The following SGCD variants were observed in gnomAD, a reference collection of about 807,000 sequenced individuals.
SGCD encodes delta-sarcoglycan.
In SGCD, 18 loss-of-function variants were observed where a neutral mutation model predicts 36.6. The ratio of observed to expected loss-of-function variants is 0.49; its 90% CI spans 0.34 to 0.73. The LOEUF is 0.73. Ranked by LOEUF, SGCD falls within the 30% of genes least tolerant of loss-of-function variation. The pLI, the probability that SGCD is intolerant of heterozygous loss-of-function variation, is 0.01. For missense variants in SGCD, 387 were observed against 346.7 expected (o/e 1.12, Z -0.92); for synonymous variants, 133 against 130.6 (o/e 1.02, Z -0.12).
chr5:156,105,311 T>A (rs1468985674), intron 1 of SGCD, among the ~76,000 whole-genome samples: 1 of 152,180 alleles, frequency 6.6e-6, no homozygotes, highest in South Asian at 2.1e-4. Context: ...CACACACAAG[T>A]AACCTGCTGA....
At chr5:156,508,425 A>G (rs937296407) in intron 3 of SGCD, among the ~76,000 whole-genome samples, 176 bp from the exon 4 acceptor site, 1 of 152,158 alleles carries the variant, frequency 6.6e-6, no homozygotes, top group African/African-American at 2.4e-5. Context: ...GATAATATGC[A>G]TAACTGCATT....
intron 3 of SGCD, among the ~76,000 whole-genome samples, chr5:156,460,230 A>T (rs144424331): frequency 8.5e-4 from 129 of 152,308 alleles, no homozygotes; most frequent in African/African-American, 2.9e-3. Context: ...GCCAGAGAGG[A>T]CAGTGTTGCT....
chr5:156,475,117 TCC>T (rs962360086), intron 3 of SGCD, among the ~76,000 whole-genome samples: 12 of 152,124 alleles, frequency 7.9e-5, no homozygotes, highest in African/African-American at 2.7e-4. Flanking sequence ...ATTCAATAAG[TCC>T]CCTTCTACCC....
chr5:155,842,855 A>C, the SGCD span, among the ~76,000 whole-genome samples: 1 of 152,348 alleles, frequency 6.6e-6, no homozygotes, highest in African/African-American at 2.4e-5. Context: ...TCTTAAAAAT[A>C]CTTAGTTTTT....
intron 3 of SGCD, among the ~76,000 whole-genome samples, chr5:156,399,535 G>T (rs774855101): frequency 2.0e-5 from 3 of 152,152 alleles, no homozygotes; most frequent in Non-Finnish European, 4.4e-5. Flanking sequence ...CAGGGCTCTT[G>T]TACTTGGGGC....
intron 1 of SGCD, among the ~76,000 whole-genome samples, chr5:156,096,253 C>G (rs889135928): frequency 1.3e-5 from 2 of 152,204 alleles, no homozygotes; most frequent in Non-Finnish European, 2.9e-5. Flanking sequence ...ATGCACAGAT[C>G]TCCCATATGG....
At chr5:156,683,186 C>T (rs916039767) in intron 7 of SGCD, among the ~76,000 whole-genome samples, 2 of 152,140 alleles carry the variant, frequency 1.3e-5, no homozygotes. Context: ...GCAGGAAACA[C>T]CTGAGTGTAG....
chr5:156,024,090 G>C (rs1402180767), intron 1 of SGCD, among the ~76,000 whole-genome samples: 1 of 152,154 alleles, frequency 6.6e-6, no homozygotes, highest in Non-Finnish European at 1.5e-5. Context: ...AGATTCTGGA[G>C]TTCCAAGGAT....
In SGCD at chr5:156,444,088, CTCTCTCTCTCTCTCTCTCTCTCTCT is replaced by C. The variant is rs1232131966; in HGVS notation, c.193-64512_193-64488del. 2.1e-3 allele frequency among the ~76,000 whole-genome samples: 243 copies of C among 115,242 alleles called. 3 individuals are homozygous for C. Among genetic ancestry groups the C allele is most frequent in the African/African-American group, 9.3e-3 (239 of 25,590 alleles). 75.6% of individuals were successfully genotyped at this position (115,242 alleles called of 152,430 possible). On this transcript the variant is annotated intron_variant, in intron 3 of 8. Transcript: ENST00000337851. Reference sequence around the variant, plus strand: ...CTTCTCTCTCTCTCTCTCTCTCTCTCTCTCTCTCTCTCTCTCTCTCTCTCTCTCCCCTTCCCTCTCTCTCTCTCTC... The same window carrying C: ...CTTCTCTCTCTCTCTCTCTCTCTCTCCTCCCCTTCCCTCTCTCTCTCTCTC...
chr5:156,306,194 C>T (rs183235442), intron 3 of SGCD, among the ~76,000 whole-genome samples: 1 of 152,296 alleles, frequency 6.6e-6, no homozygotes, highest in African/African-American at 2.4e-5. Context: ...TGTGTCACCA[C>T]CCGTATCTCA....
At chr5:155,757,405 T>C in the SGCD span, among the ~76,000 whole-genome samples, 1 of 152,204 alleles carries the variant, frequency 6.6e-6, no homozygotes, top group Non-Finnish European at 1.5e-5. Context: ...GGCTAAATGT[T>C]TTGCATATGT....
At chr5:156,533,871 T>C (rs1416164073) in intron 4 of SGCD, among the ~76,000 whole-genome samples, 1 of 152,236 alleles carries the variant, frequency 6.6e-6, no homozygotes, top group African/African-American at 2.4e-5. Flanking sequence ...AACTGTTCCT[T>C]CATTTCTTAT....
chr5:156,084,348 A>G (rs1291504675), intron 1 of SGCD, among the ~76,000 whole-genome samples: 1 of 152,168 alleles, frequency 6.6e-6, no homozygotes, highest in Non-Finnish European at 1.5e-5. Flanking sequence ...TCATTTTCTT[A>G]TGAATGACTA....
chr5:155,939,220 A>G (rs1246179429), intron 1 of SGCD, among the ~76,000 whole-genome samples: 1 of 152,252 alleles, frequency 6.6e-6, no homozygotes, highest in Non-Finnish European at 1.5e-5. Flanking sequence ...TCTCAAAACA[A>G]ACAAATGATA....
At chr5:156,464,414 G>T (rs898063688) in intron 3 of SGCD, among the ~76,000 whole-genome samples, 1 of 151,930 alleles carries the variant, frequency 6.6e-6, no homozygotes, top group Non-Finnish European at 1.5e-5. Flanking sequence ...TAGAGACAGG[G>T]TTTCACCATG....
chr5:156,286,204 G>A (rs1766592175), intron 3 of SGCD, among the ~76,000 whole-genome samples: 1 of 152,108 alleles, frequency 6.6e-6, no homozygotes, highest in Non-Finnish European at 1.5e-5. Context: ...GGAGAAATAG[G>A]AACACTTTTA....
At chr5:156,125,474 A>G (rs769611557) in intron 3 of SGCD, among the ~76,000 whole-genome samples, 4 of 151,992 alleles carry the variant, frequency 2.6e-5, no homozygotes, top group African/African-American at 4.8e-5. Flanking sequence ...GCCAGTGAAT[A>G]AATGATTGAG....
intron 1 of SGCD, among the ~76,000 whole-genome samples, chr5:155,962,406 C>G (rs1295127408): frequency 6.6e-6 from 1 of 152,014 alleles, no homozygotes; most frequent in Admixed American, 6.6e-5. Flanking sequence ...TGGACTTTTC[C>G]TGCCCATCCA....
intron 3 of SGCD, among the ~76,000 whole-genome samples, chr5:156,443,030 G>A (rs1753564716): frequency 6.6e-6 from 1 of 152,126 alleles, no homozygotes; most frequent in Non-Finnish European, 1.5e-5. Context: ...TGTCACCCAG[G>A]CTGGAGTGCA....
Sources: gnomAD v4.1 joint callset for allele counts (sites outside exome capture counted in the v4.1 genomes callset) on GRCh38, gnomAD v4.1.1 for gene constraint, MANE v1.5 for transcripts, NCBI Gene and HGNC (gene_info 2026-07-23, HGNC 2026-07-21) for gene names.